Variants in CHSY3 observed in about 807,000 individuals in gnomAD.
CHSY3 encodes the protein N-acetylgalactosaminyl-proteoglycan 3-beta-glucuronosyltransferase 3.
A neutral mutation model predicts 67.2 loss-of-function variants in CHSY3; 35 were observed. The ratio of observed to expected loss-of-function variants is 0.52; its 90% CI spans 0.40 to 0.69. The LOEUF (loss-of-function observed/expected upper bound fraction) is 0.69. CHSY3 is among the 30% of genes least tolerant of loss of function. CHSY3 has a pLI of 0.00. For synonymous variants in CHSY3, 474 were observed against 434.7 expected (o/e 1.09, Z -1.12); for missense variants, 1,069 against 1,138.5 (o/e 0.94, Z 0.88).
intron 2 of CHSY3, among the ~76,000 whole-genome samples, chr5:130,081,297 G>A (rs1303375080): frequency 6.7e-6 from 1 of 149,836 alleles, no homozygotes; most frequent in African/African-American, 2.5e-5. Context: ...ACAGAGGATT[G>A]TCAGACAGGA....
At chr5:129,954,917 G>T (rs1321679560) in intron 2 of CHSY3, among the ~76,000 whole-genome samples, 1 of 152,142 alleles carries the variant, frequency 6.6e-6, no homozygotes, top group Non-Finnish European at 1.5e-5. Context: ...CACCCAGGCT[G>T]CAGTGCCGTG....
intron 2 of CHSY3, chr5:130,140,022 C>G (rs1768807970): frequency 6.4e-6 from 1 of 156,996 alleles, no homozygotes; most frequent in South Asian, 1.9e-4. Context: ...TGACTATATG[C>G]AAGCAAACAT....
chr5:129,996,527 A>T (rs1763545156), intron 2 of CHSY3, among the ~76,000 whole-genome samples: 8 of 152,166 alleles, frequency 5.3e-5, no homozygotes, highest in Admixed American at 5.2e-4. Flanking sequence ...CTGTTTTTCA[A>T]CAAATGTACT....
At chr5:129,923,065 A>G (rs1474185989) in intron 2 of CHSY3, among the ~76,000 whole-genome samples, 2 of 152,154 alleles carry the variant, frequency 1.3e-5, no homozygotes, top group East Asian at 3.9e-4. Flanking sequence ...GATTGTGACA[A>G]TTGACAGCTA....
At chr5:130,125,416 C>CAGATAGATAGATAGATAGAT (rs202095756) in intron 2 of CHSY3, among the ~76,000 whole-genome samples, 1,449 of 140,928 alleles carry the variant, frequency 0.01, 9 homozygotes, top group East Asian at 0.018. Flanking sequence ...GATCCTGTCT[C>CAGATAGATAGATAGATAGAT]AGATAGATAG....
In CHSY3 at chr5:129,905,263, G is replaced by A. The variant is rs1156867383; in HGVS notation, c.434G>A (p.Arg145Gln). The stretch of plus-strand genomic sequence containing the variant: ...GAGGACGGGGGCGCGGCTGGGCAGC[G>A]GAGAGACGGCCGGCCGGGGAGTAGC... ...EEEDGGAAGQ[R>Q]RDGRPGSSHN... Residue 145 changes from arginine (R) to glutamine (Q), a missense_variant, in exon 1 of 3, where the codon CGG becomes CAG. Around this residue, in one of 5 missense-constraint regions of CHSY3, gnomAD observed 309 missense variants for 262.5 expected, o/e 1.18. Transcript: ENST00000305031. 2.7e-6 allele frequency: 4 copies of A among 1,455,618 alleles called. No homozygotes were observed. Among genetic ancestry groups the A allele is most frequent in the African/African-American group, 1.4e-5 (1 of 69,360 alleles). The allele number at this position is 1,455,618 out of a possible 1,614,324, so 90.2% of individuals were successfully genotyped here.
intron 2 of CHSY3, among the ~76,000 whole-genome samples, chr5:129,942,101 G>A (rs896791061): frequency 1.3e-5 from 2 of 152,112 alleles, no homozygotes; most frequent in African/African-American, 4.8e-5. Flanking sequence ...ACTCTGGGGA[G>A]GATCATAAAA....
intron 2 of CHSY3, among the ~76,000 whole-genome samples, chr5:130,084,992 A>C (rs1580717616): frequency 6.6e-6 from 1 of 152,112 alleles, no homozygotes; most frequent in East Asian, 1.9e-4. Flanking sequence ...TGTAGGATTT[A>C]TGTTTTCATG....
intron 2 of CHSY3, among the ~76,000 whole-genome samples, chr5:130,102,116 C>G (rs868344264): frequency 1.5e-4 from 23 of 152,022 alleles, no homozygotes; most frequent in African/African-American, 4.3e-4. Flanking sequence ...AAGTTTAAAT[C>G]CGAATATATT....
intron 2 of CHSY3, among the ~76,000 whole-genome samples, chr5:130,172,203 T>C (rs1404563830): frequency 6.6e-6 from 1 of 152,148 alleles, no homozygotes; most frequent in Admixed American, 6.6e-5. Flanking sequence ...TAACGAAGTA[T>C]ATTAATTGGC....
At position 130,141,579 on chromosome 5, in the gene CHSY3, G is replaced by A. The variant is rs1768867610; in HGVS notation, c.1087-42650G>A. On this transcript the variant is annotated intron_variant, in intron 2 of 2. Transcript: ENST00000305031. ...AGGAAGACATTGAATGTATGGTCCAGGAAGCTGAGAAATACAGAGCTGAAG... is the reference window on the plus strand; with the variant it reads ...AGGAAGACATTGAATGTATGGTCCAAGAAGCTGAGAAATACAGAGCTGAAG... 6.3e-6 allele frequency: 3 copies of A among 476,340 alleles called. No individual in the cohort carries two copies. The Admixed American group carries it at 6.7e-5, about 11-fold the overall frequency. 29.5% of individuals were successfully genotyped at this position (476,340 alleles called of 1,614,324 possible). A position where few individuals can be genotyped will look rare whatever the true frequency, so the allele number is the denominator to read the frequency against.
chr5:130,142,732 T>C (rs1264133414), intron 2 of CHSY3, among the ~76,000 whole-genome samples: 1 of 151,830 alleles, frequency 6.6e-6, no homozygotes, highest in Admixed American at 6.6e-5. Flanking sequence ...TTTGATCAAG[T>C]CCCAAATTTC....
chr5:130,010,729 G>A (rs1044115957), intron 2 of CHSY3, among the ~76,000 whole-genome samples: 3 of 151,998 alleles, frequency 2.0e-5, no homozygotes, highest in Admixed American at 1.3e-4. Context: ...AAGATTGATA[G>A]ACCACTAGGT....
chr5:130,057,115 G>A (rs898965692), intron 2 of CHSY3, among the ~76,000 whole-genome samples: 14 of 151,256 alleles, frequency 9.3e-5, no homozygotes, highest in African/African-American at 3.2e-4. Context: ...TAGTAGAGAA[G>A]GGGTTTCACC....
At chr5:130,085,828 T>A (rs1332805540) in intron 2 of CHSY3, among the ~76,000 whole-genome samples, 1 of 152,156 alleles carries the variant, frequency 6.6e-6, no homozygotes, top group African/African-American at 2.4e-5. Flanking sequence ...CTCACTGGTT[T>A]CAAAGATCAT....
chr5:129,950,221 A>T (rs1761986855), intron 2 of CHSY3, among the ~76,000 whole-genome samples: 1 of 152,072 alleles, frequency 6.6e-6, no homozygotes, highest in Non-Finnish European at 1.5e-5. Flanking sequence ...ATTTGACAAA[A>T]TTCAACATCC....
At chr5:130,017,180 GTT>G (rs756102219) in intron 2 of CHSY3, among the ~76,000 whole-genome samples, 1 of 149,540 alleles carries the variant, frequency 6.7e-6, no homozygotes, top group Non-Finnish European at 1.5e-5. Context: ...GCCGGCAGTT[GTT>G]TTTTTTTTCC....
intron 2 of CHSY3, among the ~76,000 whole-genome samples, chr5:129,912,064 C>G (rs1402164723): frequency 1.3e-5 from 2 of 151,942 alleles, no homozygotes; most frequent in Non-Finnish European, 2.9e-5. Flanking sequence ...AAGAAACAAA[C>G]AAACAACAAC....
chr5:130,023,548 G>A (rs1764451778), intron 2 of CHSY3, among the ~76,000 whole-genome samples: 1 of 152,024 alleles, frequency 6.6e-6, no homozygotes, highest in Admixed American at 6.6e-5. Context: ...AAACTAATGT[G>A]TTTAAAGTAC....
Sources: allele counts gnomAD v4.1 joint callset (sites outside exome capture counted in the v4.1 genomes callset), GRCh38; gene constraint gnomAD v4.1.1; regional missense constraint gnomAD v4.1.1; transcripts MANE v1.5; gene names NCBI Gene and HGNC (gene_info 2026-07-23, HGNC 2026-07-21).